The following ZFR variants were observed in gnomAD, a reference collection of about 807,000 sequenced individuals.
ZFR encodes the protein zinc finger RNA-binding protein.
In ZFR, 19 loss-of-function variants were observed where a neutral mutation model predicts 130.7. That is an observed-to-expected ratio of 0.15 (90% CI 0.10 to 0.21). The LOEUF is 0.21. Ranked by LOEUF, ZFR falls within the 10% of genes least tolerant of loss-of-function variation. The probability of loss-of-function intolerance (pLI) is 1.00; values close to 1 mark genes in which losing one functional copy is unlikely to be tolerated. For synonymous variants in ZFR, 466 were observed against 456.9 expected (o/e 1.02, Z -0.25); for missense variants, 872 against 1,321.5 (o/e 0.66, Z 5.27).
chr5:32,434,408 T>C (rs1462954180), intron 2 of ZFR, among the ~76,000 whole-genome samples: 1 of 152,214 alleles, frequency 6.6e-6, no homozygotes, highest in Non-Finnish European at 1.5e-5. Context: ...TCAACTTTCT[T>C]CTCCTTTGCT....
In ZFR at chr5:32,404,008, A is replaced by G; in HGVS notation, c.1122T>C (p.Ser374=). The G allele has an allele frequency of 6.2e-7, 1 of 1,614,182 alleles. No individual in the cohort carries two copies. The highest frequency in any genetic ancestry group is 8.5e-7 in the Non-Finnish European group (1 of 1,180,004). ...ASQNTSSSNS[S]TRGTQNQLRC... ...GTAGCTGATTTTGAGTCCCACGAGT[A>G]GAACTGTTGCTGCTGCTGGTATTTT... Residue 374 remains serine, a synonymous_variant, in exon 7 of 20, where the codon TCT becomes TCC. Transcript: ENST00000265069.
intron 5 of ZFR, among the ~76,000 whole-genome samples, chr5:32,412,072 A>G (rs570587143): frequency 2.0e-5 from 3 of 152,204 alleles, no homozygotes; most frequent in Non-Finnish European, 4.4e-5. Context: ...CACTGTAGAA[A>G]TTCATTCAGT....
chr5:32,440,261 T>C (rs193018005), intron 2 of ZFR, among the ~76,000 whole-genome samples: 5 of 152,362 alleles, frequency 3.3e-5, no homozygotes, highest in African/African-American at 9.6e-5. Flanking sequence ...TGCTTTATCC[T>C]GTGCACCCTC....
At position 32,438,253 on chromosome 5, in the gene ZFR, A is replaced by ATTTTTT. The variant is rs869249272; in HGVS notation, c.137+5970_137+5975dup. Among the ~76,000 whole-genome samples, 112 of 61,058 alleles carry ATTTTTT rather than the reference A, an allele frequency of 1.8e-3. 7 individuals carry two copies. The East Asian group carries it at 0.02, about 11-fold the overall frequency. The allele number at this position is 61,058 out of a possible 152,430, so 40.1% of individuals were successfully genotyped here. A position where few individuals can be genotyped will look rare whatever the true frequency, so the allele number is the denominator to read the frequency against. Reference sequence around the variant, plus strand: ...AGAATGCTACTGATTTTATCTGAAAATTTTTTTTTTTTTTTTTTTTTTTTT... The same window carrying ATTTTTT: ...AGAATGCTACTGATTTTATCTGAAAATTTTTTTTTTTTTTTTTTTTTTTTTTTTTTT... On this transcript the variant is annotated intron_variant, in intron 2 of 19. Transcript: ENST00000265069.
At chr5:32,395,584 T>C (rs991741203) in intron 10 of ZFR, among the ~76,000 whole-genome samples, 5 of 152,146 alleles carry the variant, frequency 3.3e-5, no homozygotes, top group Admixed American at 3.3e-4. Flanking sequence ...CATTTGACCC[T>C]TGAACAACAG....
intron 18 of ZFR, 56 bp downstream of exon 18, chr5:32,364,108 C>A (rs568077424): frequency 6.3e-7 from 1 of 1,598,214 alleles, no homozygotes; most frequent in African/African-American, 1.3e-5. Flanking sequence ...AAAAATTATT[C>A]AACCAGCAAA....
At chr5:32,391,734 C>T (rs1337799351) in intron 11 of ZFR, among the ~76,000 whole-genome samples, 1 of 151,906 alleles carries the variant, frequency 6.6e-6, no homozygotes, top group Non-Finnish European at 1.5e-5. Flanking sequence ...CAGAAACTAC[C>T]AATTTCCTCA....
chr5:32,438,352 C>T (rs2111872259), intron 2 of ZFR, among the ~76,000 whole-genome samples: 1 of 149,348 alleles, frequency 6.7e-6, no homozygotes, highest in South Asian at 2.1e-4. Context: ...CAACCTCCAC[C>T]TCCTGGATTC....
chr5:32,427,527 G>T (rs1408958979), intron 2 of ZFR, among the ~76,000 whole-genome samples: 1 of 152,090 alleles, frequency 6.6e-6, no homozygotes, highest in East Asian at 1.9e-4. Context: ...CATGTTCACG[G>T]ATTAGAAGGC....
At chr5:32,444,057 A>AGGCGGGGCGGGGCGG (rs375370062) in intron 2 of ZFR, among the ~76,000 whole-genome samples, 172 bp downstream of exon 2, 5 of 139,406 alleles carry the variant, frequency 3.6e-5, no homozygotes, top group Admixed American at 7.0e-5. Context: ...GGGCCGGGCA[A>AGGCGGGGCGGGGCGG]GGCGGGGCGG....
chr5:32,362,825 A>T (rs1752466554), intron 19 of ZFR, among the ~76,000 whole-genome samples: 1 of 152,200 alleles, frequency 6.6e-6, no homozygotes, highest in African/African-American at 2.4e-5. Context: ...TTAAGGTCAC[A>T]TTTTTAGAAA....
intron 2 of ZFR, among the ~76,000 whole-genome samples, chr5:32,421,808 T>C (rs186559): frequency 0.41 from 62,165 of 151,982 alleles, 12,933 homozygotes; most frequent in East Asian, 0.57. Context: ...GATATAAAAC[T>C]AACATTTTCT....
chr5:32,434,389 T>A (rs1254002217), intron 2 of ZFR, among the ~76,000 whole-genome samples: 3 of 152,212 alleles, frequency 2.0e-5, no homozygotes, highest in African/African-American at 7.2e-5. Context: ...TGGGAAACAT[T>A]TTCCTGTGTC....
intron 16 of ZFR, 28 bp downstream of exon 16, chr5:32,380,047 A>T: frequency 6.2e-7 from 1 of 1,602,354 alleles, no homozygotes; most frequent in Non-Finnish European, 8.6e-7. Flanking sequence ...ATAAGGCTAC[A>T]AGAAAAAAGT....
At chr5:32,410,181 C>A (rs1017388438) in intron 5 of ZFR, among the ~76,000 whole-genome samples, 2 of 145,118 alleles carry the variant, frequency 1.4e-5, no homozygotes, top group Non-Finnish European at 3.0e-5. Flanking sequence ...TGGCATGCAC[C>A]GAGGCAGGAT....
chr5:32,367,037 T>G (rs1373790733), intron 17 of ZFR, among the ~76,000 whole-genome samples: 1 of 151,954 alleles, frequency 6.6e-6, no homozygotes, highest in Non-Finnish European at 1.5e-5. Flanking sequence ...AGACTACAAG[T>G]GAATGCCACT....
intron 15 of ZFR, among the ~76,000 whole-genome samples, chr5:32,383,243 G>GGCA (rs1425226545): frequency 6.6e-6 from 1 of 152,192 alleles, no homozygotes; most frequent in Non-Finnish European, 1.5e-5. Context: ...TTTATCAAAT[G>GGCA]GCAGATGTGA....
At chr5:32,376,980 CCCT>C (rs1208220491) in intron 17 of ZFR, among the ~76,000 whole-genome samples, 2 of 55,162 alleles carry the variant, frequency 3.6e-5, no homozygotes, top group Admixed American at 3.8e-4. Context: ...GAAAAAAAAC[CCCT>C]GTCTCTACTA....
intron 17 of ZFR, among the ~76,000 whole-genome samples, chr5:32,366,032 G>A (rs1056872662): frequency 1.4e-4 from 22 of 152,128 alleles, no homozygotes; most frequent in African/African-American, 2.9e-4. Context: ...TTTAAGATGC[G>A]AAAAGACTTG....
Sources: gnomAD v4.1 joint callset for allele counts (sites outside exome capture counted in the v4.1 genomes callset) on GRCh38, gnomAD v4.1.1 for gene constraint, MANE v1.5 for transcripts, NCBI Gene and HGNC (gene_info 2026-07-23, HGNC 2026-07-21) for gene names.